GBE1: variants seen among roughly 807,000 people sequenced by gnomAD.
The protein encoded by GBE1 is 1,4-alpha-glucan-branching enzyme.
Under a neutral mutation model 88.8 loss-of-function variants are expected in GBE1, and 70 were observed. The observed-to-expected ratio is 0.79, with a 90% CI of 0.65 to 0.96. GBE1 has a LOEUF of 0.96. Among genes scored for constraint, GBE1 ranks in the 40% least tolerant of loss-of-function variants. GBE1 has a pLI of 0.00. For synonymous variants in GBE1, 284 were observed against 300.1 expected (o/e 0.95, Z 0.56); for missense variants, 872 against 871.0 (o/e 1.00, Z -0.01).
intron 7 of GBE1, among the ~76,000 whole-genome samples, chr3:81,611,701 A>G (rs1704184805): frequency 6.6e-6 from 1 of 152,222 alleles, no homozygotes; most frequent in South Asian, 2.1e-4. Flanking sequence ...GGTCCTTTCC[A>G]AGTCTAGAGT....
intron 7 of GBE1, among the ~76,000 whole-genome samples, chr3:81,599,175 T>C (rs1703998350): frequency 6.6e-6 from 1 of 152,178 alleles, no homozygotes; most frequent in Admixed American, 6.6e-5. Context: ...AAAAATAAAA[T>C]ACTTGAGAAA....
chr3:81,753,012 A>G (rs1373233816), intron 1 of GBE1, among the ~76,000 whole-genome samples: 1 of 152,222 alleles, frequency 6.6e-6, no homozygotes, highest in African/African-American at 2.4e-5. Flanking sequence ...CACCCTACAA[A>G]GTGGATTCTA....
intron 12 of GBE1, among the ~76,000 whole-genome samples, chr3:81,561,049 G>A (rs1229667817): frequency 1.3e-5 from 2 of 151,776 alleles, no homozygotes; most frequent in East Asian, 3.9e-4. Flanking sequence ...TGAATCAGGT[G>A]GCAATTTTTG....
chr3:81,537,973 A>T (rs1483555033), intron 12 of GBE1, among the ~76,000 whole-genome samples: 1 of 152,014 alleles, frequency 6.6e-6, no homozygotes, highest in Admixed American at 6.6e-5. Flanking sequence ...GATATTAGTC[A>T]TCTAACCGAT....
At chr3:81,719,170 A>G (rs1299510801) in intron 1 of GBE1, among the ~76,000 whole-genome samples, 1 of 152,158 alleles carries the variant, frequency 6.6e-6, no homozygotes, top group Non-Finnish European at 1.5e-5. Context: ...TTCACAAAGT[A>G]TGTTAACTTT....
intron 10 of GBE1, among the ~76,000 whole-genome samples, chr3:81,585,858 A>G (rs1703796257): frequency 6.6e-6 from 1 of 152,204 alleles, no homozygotes; most frequent in Non-Finnish European, 1.5e-5. Flanking sequence ...TACAGCTAAC[A>G]TGATATTAAT....
chr3:81,552,221 A>G (rs1252435137), intron 12 of GBE1, among the ~76,000 whole-genome samples: 1 of 152,204 alleles, frequency 6.6e-6, no homozygotes, highest in Admixed American at 6.5e-5. Flanking sequence ...CAATGTTAAG[A>G]AGGTTGTCAA....
chr3:81,674,794 T>C (rs1205726969), intron 2 of GBE1, among the ~76,000 whole-genome samples: 2 of 152,076 alleles, frequency 1.3e-5, no homozygotes, highest in East Asian at 3.9e-4. Context: ...CAACTTATGC[T>C]GAGTACATGA....
intron 6 of GBE1, 129 bp from the exon 7 acceptor site, chr3:81,643,119 C>A (rs1704714097): frequency 1.5e-6 from 1 of 645,782 alleles, no homozygotes; most frequent in Non-Finnish European, 2.7e-6. Context: ...GACATGATAC[C>A]TGGATACAAC....
At chr3:81,592,730 G>A (rs1323134921) in intron 8 of GBE1, among the ~76,000 whole-genome samples, 1 of 152,032 alleles carries the variant, frequency 6.6e-6, no homozygotes, top group Admixed American at 6.6e-5. Flanking sequence ...ATTCTTGGAA[G>A]ATACTCCTCT....
intron 12 of GBE1, among the ~76,000 whole-genome samples, chr3:81,548,887 T>C (rs1703239883): frequency 6.6e-6 from 1 of 151,230 alleles, no homozygotes. Flanking sequence ...ATTTGCTTTG[T>C]TTTTCAGAGT....
chr3:81,604,049 C>T (rs1443535476), intron 7 of GBE1, among the ~76,000 whole-genome samples: 1 of 152,060 alleles, frequency 6.6e-6, no homozygotes, highest in Non-Finnish European at 1.5e-5. Flanking sequence ...TCAAGGTTCA[C>T]AAAATCTTCT....
chr3:81,694,368 T>C lies in GBE1; in HGVS notation c.313+11076A>G, dbSNP rs563251097. On this transcript the variant is annotated intron_variant, in intron 2 of 15. Transcript: ENST00000429644. Reference sequence around the variant, plus strand: ...TACAAATGTAGCCATTTAAAGAAAGTAGGGGTCACTTAGAAGCAAATAAAA... The same window carrying C: ...TACAAATGTAGCCATTTAAAGAAAGCAGGGGTCACTTAGAAGCAAATAAAA... 3.3e-5 allele frequency among the ~76,000 whole-genome samples: 5 copies of C among 152,278 alleles called. No homozygotes were observed. The East Asian group carries it at 9.7e-4, about 29-fold the overall frequency.
intron 10 of GBE1, among the ~76,000 whole-genome samples, chr3:81,582,324 T>C (rs1219407993): frequency 6.6e-6 from 1 of 152,096 alleles, no homozygotes; most frequent in Non-Finnish European, 1.5e-5. Context: ...GAAGATGCTA[T>C]ACTGCTGCTT....
intron 1 of GBE1, among the ~76,000 whole-genome samples, chr3:81,721,932 G>A (rs1391174040): frequency 6.6e-6 from 1 of 152,050 alleles, no homozygotes; most frequent in Non-Finnish European, 1.5e-5. Flanking sequence ...CACAAATGAG[G>A]AACCCAAGAA....
At chr3:81,726,916 T>C (rs1053460398) in intron 1 of GBE1, among the ~76,000 whole-genome samples, 3 of 152,134 alleles carry the variant, frequency 2.0e-5, no homozygotes, top group African/African-American at 4.8e-5. Flanking sequence ...TACTTTCATT[T>C]AATACCAAGG....
chr3:81,524,061 T>A (rs917932204), intron 14 of GBE1, among the ~76,000 whole-genome samples: 8 of 151,822 alleles, frequency 5.3e-5, no homozygotes, highest in African/African-American at 1.7e-4. Flanking sequence ...TTAGCTTTTC[T>A]GAGTAATCTC....
intron 14 of GBE1, among the ~76,000 whole-genome samples, chr3:81,529,064 T>C (rs946654983): frequency 1.6e-4 from 24 of 151,936 alleles, no homozygotes; most frequent in African/African-American, 5.8e-4. Context: ...TGTTGTGAAA[T>C]TGATTGGTGA....
intron 14 of GBE1, among the ~76,000 whole-genome samples, chr3:81,515,471 C>T (rs1260789035): frequency 6.6e-6 from 1 of 151,446 alleles, no homozygotes; most frequent in Non-Finnish European, 1.5e-5. Context: ...AACCTACTGG[C>T]CGTTCCCTTG....
Sources: gnomAD v4.1 joint callset for allele counts (sites outside exome capture counted in the v4.1 genomes callset) on GRCh38, gnomAD v4.1.1 for gene constraint, MANE v1.5 for transcripts, NCBI Gene and HGNC (gene_info 2026-07-23, HGNC 2026-07-21) for gene names.